Variants in DLGAP4 observed in about 807,000 individuals in gnomAD.
The protein encoded by DLGAP4 is disks large-associated protein 4.
Under a neutral mutation model 86.9 loss-of-function variants are expected in DLGAP4, and 18 were observed. That is an observed-to-expected ratio of 0.21 (90% confidence interval 0.14 to 0.31). The LOEUF (loss-of-function observed/expected upper bound fraction) is 0.31. DLGAP4 is among the 10% of genes least tolerant of loss of function. DLGAP4 has a pLI of 1.00. For missense variants in DLGAP4, 1,085 were observed against 1,362.6 expected (o/e 0.80, Z 3.21); for synonymous variants, 548 against 574.3 (o/e 0.95, Z 0.65).
At chr20:36,412,832 C>T (rs947157413) in intron 2 of DLGAP4, among the ~76,000 whole-genome samples, 1 of 152,168 alleles carries the variant, frequency 6.6e-6, no homozygotes, top group African/African-American at 2.4e-5. Flanking sequence ...CTTACAGATA[C>T]ATCCTCCAGG....
intron 7 of DLGAP4, among the ~76,000 whole-genome samples, chr20:36,450,100 T>G (rs1261239091): frequency 6.6e-6 from 1 of 152,240 alleles, no homozygotes; most frequent in African/African-American, 2.4e-5. Context: ...GCAACACAAG[T>G]CATATGACTG....
chr20:36,366,842 C>T (rs1278824062), intron 1 of DLGAP4, among the ~76,000 whole-genome samples: 1 of 152,134 alleles, frequency 6.6e-6, no homozygotes, highest in African/African-American at 2.4e-5. Context: ...GCAAATTTGC[C>T]TCTAAAAAAA....
At chr20:36,367,861 T>C (rs540255967) in intron 2 of DLGAP4, among the ~76,000 whole-genome samples, 1 of 152,336 alleles carries the variant, frequency 6.6e-6, no homozygotes, top group East Asian at 1.9e-4. Context: ...TTCACCATGC[T>C]GCTTGCATCT....
chr20:36,400,624 T>G (rs754288345), intron 2 of DLGAP4, among the ~76,000 whole-genome samples: 12 of 151,174 alleles, frequency 7.9e-5, no homozygotes, highest in Non-Finnish European at 1.6e-4. Context: ...TTGGGAACAT[T>G]GCAGCCCAAC....
At chr20:36,471,079 G>A (rs1039994612) in intron 7 of DLGAP4, among the ~76,000 whole-genome samples, 1 of 152,110 alleles carries the variant, frequency 6.6e-6, no homozygotes, top group Non-Finnish European at 1.5e-5. Flanking sequence ...TTCTGAAAAT[G>A]TATATATTTT....
chr20:36,470,179 G>A (rs182215561), intron 7 of DLGAP4, among the ~76,000 whole-genome samples: 9 of 151,950 alleles, frequency 5.9e-5, no homozygotes, highest in Admixed American at 4.6e-4. Context: ...TTAATTTCCC[G>A]TCCTTCCTGT....
intron 7 of DLGAP4, among the ~76,000 whole-genome samples, chr20:36,488,294 C>T (rs1431665484): frequency 6.6e-6 from 1 of 152,068 alleles, no homozygotes; most frequent in East Asian, 1.9e-4. Context: ...GGCCTCAGCA[C>T]TGCCTAGCTG....
At chr20:36,318,047 T>C (rs879115793) in intron 1 of DLGAP4, among the ~76,000 whole-genome samples, 5 of 151,404 alleles carry the variant, frequency 3.3e-5, no homozygotes, top group African/African-American at 4.9e-5. Flanking sequence ...CACTACTTAT[T>C]ACTGTGGAAC....
chr20:36,420,142 C>A (rs912958591), intron 2 of DLGAP4, among the ~76,000 whole-genome samples: 1 of 152,222 alleles, frequency 6.6e-6, no homozygotes, highest in Non-Finnish European at 1.5e-5. Flanking sequence ...TGGATCATTT[C>A]TTGGCGTCCC....
intron 2 of DLGAP4, among the ~76,000 whole-genome samples, chr20:36,380,654 A>C (rs999087571): frequency 8.6e-6 from 1 of 116,588 alleles, no homozygotes; most frequent in Non-Finnish European, 1.7e-5. Context: ...AGAGAGAGAG[A>C]GAGAGAGAGA....
intron 1 of DLGAP4, among the ~76,000 whole-genome samples, chr20:36,331,359 C>G (rs574178944): frequency 1.3e-5 from 2 of 152,376 alleles, no homozygotes; most frequent in Admixed American, 6.5e-5. Flanking sequence ...CCAGCTGCCC[C>G]TCCTCCAGCT....
At chr20:36,365,516 G>T (rs1228995612) in intron 1 of DLGAP4, among the ~76,000 whole-genome samples, 1 of 152,136 alleles carries the variant, frequency 6.6e-6, no homozygotes, top group African/African-American at 2.4e-5. Flanking sequence ...TGTTGTCCCT[G>T]GGGGAGGCTG....
At chr20:36,369,353 G>A (rs1332603924) in intron 2 of DLGAP4, among the ~76,000 whole-genome samples, 1 of 152,178 alleles carries the variant, frequency 6.6e-6, no homozygotes, top group Non-Finnish European at 1.5e-5. Flanking sequence ...AGCACTTTGG[G>A]AGGCCGAGGC....
At chr20:36,503,479 CTTTTTTTTTTTTT>C (rs982287997) in intron 10 of DLGAP4, among the ~76,000 whole-genome samples, 11 of 109,908 alleles carry the variant, frequency 1.0e-4, no homozygotes, top group African/African-American at 2.4e-4. Flanking sequence ...CATATATGGC[CTTTTTTTTTTTTT>C]TTTTTTTTTT....
At position 36,394,095 on chromosome 20, in the gene DLGAP4, C is replaced by T. The variant is rs541990713; in HGVS notation, c.-73+26820C>T. On this transcript the variant is annotated intron_variant, in intron 2 of 12. Coordinates refer to ENST00000339266, the MANE Select transcript of DLGAP4 (RefSeq NM_001365621.2). ...CCTGTGCCTGGAAAATTCTCTCTCT[C>T]CCTCTCTTTCACATACACACACATA... Among the ~76,000 whole-genome samples the T allele has an allele frequency of 2.6e-5, 4 of 152,326 alleles. No homozygotes were observed. In the East Asian group the frequency reaches 5.8e-4, roughly 22 times the overall value.
intron 2 of DLGAP4, among the ~76,000 whole-genome samples, chr20:36,415,744 C>T (rs1417377816): frequency 3.3e-5 from 5 of 152,160 alleles, no homozygotes; most frequent in African/African-American, 9.7e-5. Flanking sequence ...GCCATACACA[C>T]ACATACACTA....
intron 1 of DLGAP4, among the ~76,000 whole-genome samples, chr20:36,317,243 C>CTT: frequency 1.9e-5 from 1 of 52,070 alleles, no homozygotes; most frequent in Non-Finnish European, 3.4e-5. Flanking sequence ...TTCTTTCTTT[C>CTT]TTTCTTTCTT....
intron 1 of DLGAP4, among the ~76,000 whole-genome samples, chr20:36,352,359 T>C (rs1257458927): frequency 6.9e-6 from 1 of 145,150 alleles, no homozygotes; most frequent in Non-Finnish European, 1.5e-5. Flanking sequence ...GGCTGCAGTG[T>C]GGAGACTGGA....
chr20:36,400,216 G>A (rs915327558), intron 2 of DLGAP4, among the ~76,000 whole-genome samples: 1 of 152,196 alleles, frequency 6.6e-6, no homozygotes, highest in African/African-American at 2.4e-5. Flanking sequence ...TCTTCTGTTG[G>A]TTCAGAATTT....
Sources: gnomAD v4.1 joint callset for allele counts (sites outside exome capture counted in the v4.1 genomes callset) on GRCh38, gnomAD v4.1.1 for gene constraint, MANE v1.5 for transcripts, NCBI Gene and HGNC (gene_info 2026-07-23, HGNC 2026-07-21) for gene names.